Variants in TNRC6A observed in about 807,000 individuals in gnomAD.
TNRC6A encodes trinucleotide repeat containing adaptor 6A.
TNRC6A carries 44 observed loss-of-function variants against 221.2 expected under a neutral mutation model. The observed-to-expected ratio is 0.20, with a 90% CI of 0.16 to 0.26. TNRC6A has a LOEUF of 0.26. Among genes scored for constraint, TNRC6A ranks in the 10% least tolerant of loss-of-function variants. The probability of loss-of-function intolerance (pLI) is 1.00; values close to 1 mark genes in which losing one functional copy is unlikely to be tolerated. For synonymous variants in TNRC6A, 847 were observed against 838.5 expected (o/e 1.01, Z -0.18); for missense variants, 2,199 against 2,404.4 (o/e 0.91, Z 1.79).
At chr16:24,628,750 G>T (rs1320196403) in intron 1 of TNRC6A, among the ~76,000 whole-genome samples, 1 of 152,136 alleles carries the variant, frequency 6.6e-6, no homozygotes, top group Non-Finnish European at 1.5e-5. Flanking sequence ...TCTATTAGTA[G>T]TTCAGTTTTT....
chr16:24,707,787 G>A (rs1008759552), intron 2 of TNRC6A, among the ~76,000 whole-genome samples: 3 of 152,186 alleles, frequency 2.0e-5, no homozygotes, highest in African/African-American at 2.4e-5. Context: ...GGGCCAGTGC[G>A]GTGGCTCACG....
intron 2 of TNRC6A, among the ~76,000 whole-genome samples, chr16:24,646,502 A>G (rs1902297140): frequency 6.6e-6 from 1 of 152,224 alleles, no homozygotes; most frequent in Non-Finnish European, 1.5e-5. Flanking sequence ...AGCAGCACAA[A>G]TATTTTCAGT....
intron 19 of TNRC6A, chr16:24,815,607 G>C: frequency 1.4e-5 from 5 of 349,716 alleles, no homozygotes; most frequent in South Asian, 1.3e-4. Flanking sequence ...AGTAATCCCA[G>C]CACTTTGGGA....
intron 2 of TNRC6A, among the ~76,000 whole-genome samples, chr16:24,692,329 G>A (rs1411966819): frequency 6.6e-6 from 1 of 152,170 alleles, no homozygotes; most frequent in Admixed American, 6.6e-5. Context: ...CCAACATTTT[G>A]GGAGGCTGAG....
At chr16:24,798,813 A>C (rs1471054577) in intron 11 of TNRC6A, among the ~76,000 whole-genome samples, 1 of 152,258 alleles carries the variant, frequency 6.6e-6, no homozygotes, top group East Asian at 1.9e-4. Context: ...GAAACTACGC[A>C]GTAATTTGCT....
At chr16:24,712,906 ACTGT>A (rs2056231272) in intron 2 of TNRC6A, among the ~76,000 whole-genome samples, 2 of 101,766 alleles carry the variant, frequency 2.0e-5, no homozygotes, top group Non-Finnish European at 3.7e-5. Context: ...GTTATGTGCC[ACTGT>A]GTGTGTGTGT....
At chr16:24,648,444 G>A (rs1025281907) in intron 2 of TNRC6A, among the ~76,000 whole-genome samples, 26 of 151,788 alleles carry the variant, frequency 1.7e-4, no homozygotes, top group African/African-American at 6.1e-4. Context: ...CTAATTTTTT[G>A]TATTTTTAGT....
chr16:24,631,909 A>G (rs749695150), intron 1 of TNRC6A, among the ~76,000 whole-genome samples: 2 of 151,752 alleles, frequency 1.3e-5, no homozygotes, highest in Non-Finnish European at 2.9e-5. Context: ...CCCAGGCTGT[A>G]GTGCAGTGAC....
intron 2 of TNRC6A, among the ~76,000 whole-genome samples, chr16:24,718,069 C>T (rs750572877): frequency 4.6e-5 from 7 of 152,274 alleles, no homozygotes; most frequent in Admixed American, 1.3e-4. Context: ...TGTGCCCCCA[C>T]GGCCTGCCTG....
chr16:24,806,825 G>T, intron 17 of TNRC6A, 41 bp downstream of exon 17: 1 of 1,594,134 alleles, frequency 6.3e-7, no homozygotes, highest in East Asian at 2.2e-5. Context: ...TGATGCTTAG[G>T]TATCACAGGC....
Position 24,824,035 on chromosome 16 carries a change from A to G in TNRC6A, c.*228A>G, listed in dbSNP as rs2058823222. On this transcript the variant is annotated 3_prime_UTR_variant, in exon 25 of 25. Transcript: ENST00000395799. ...TTTACACTCCCAAATAGCGCCATAC[A>G]TGCTAAACCGTAGAGAATGAGCTCG... is the stretch of plus-strand genomic sequence containing the variant. The G allele has an allele frequency of 2.8e-6, 1 of 352,730 alleles. No homozygotes were observed. The highest frequency in any genetic ancestry group is 5.0e-6 in the Non-Finnish European group (1 of 198,310). The allele number at this position is 352,730 out of a possible 1,614,324, so 21.9% of individuals were successfully genotyped here. A position where few individuals can be genotyped will look rare whatever the true frequency, so the allele number is the denominator to read the frequency against.
At chr16:24,771,248 C>G (rs111348962) in intron 4 of TNRC6A, among the ~76,000 whole-genome samples, 1 of 152,094 alleles carries the variant, frequency 6.6e-6, no homozygotes, top group Non-Finnish European at 1.5e-5. Context: ...CACACATAAA[C>G]GAAACCTTTT....
chr16:24,814,451 C>G (rs1373357878), intron 18 of TNRC6A, among the ~76,000 whole-genome samples: 2 of 138,648 alleles, frequency 1.4e-5, no homozygotes, highest in Admixed American at 7.0e-5. Flanking sequence ...GCCCTCTTCC[C>G]AGGCTAGAGT....
rs187379727 is a variant in TNRC6A, at chr16:24,610,807, A to C, written n.276+323A>C. ...TTCCCCCTTTCCACCCCCTGCCCTC[A>C]GATTTATTTATTTATTTATTTATGA... On this transcript the variant is annotated intron_variant and non_coding_transcript_variant, in intron 1 of 2. Transcript: ENST00000566108. 8.8e-4 allele frequency among the ~76,000 whole-genome samples: 132 copies of C among 149,160 alleles called. 1 individual carries two copies. The highest frequency in any genetic ancestry group is 3.2e-3 in the African/African-American group (131 of 40,426).
intron 18 of TNRC6A, among the ~76,000 whole-genome samples, chr16:24,812,902 T>G (rs890013353): frequency 1.5e-5 from 2 of 134,616 alleles, no homozygotes; most frequent in Admixed American, 1.6e-4. Flanking sequence ...TTTTTTTTTT[T>G]GAGACCCCAG....
intron 17 of TNRC6A, among the ~76,000 whole-genome samples, chr16:24,807,799 T>C (rs564915223): frequency 1.3e-4 from 20 of 152,212 alleles, no homozygotes; most frequent in Non-Finnish European, 2.5e-4. Context: ...GCTTTTTTTC[T>C]CTCTCTTTTC....
chr16:24,710,288 C>A (rs2056180371), intron 2 of TNRC6A, among the ~76,000 whole-genome samples: 1 of 151,138 alleles, frequency 6.6e-6, no homozygotes. Flanking sequence ...GAAAAAATAA[C>A]TTTTTTCCTC....
At chr16:24,645,474 A>C (rs1902224843) in intron 2 of TNRC6A, among the ~76,000 whole-genome samples, 1 of 151,750 alleles carries the variant, frequency 6.6e-6, no homozygotes, top group Admixed American at 6.6e-5. Context: ...TGGGCAACAG[A>C]GTGAGACCCT....
intron 3 of TNRC6A, among the ~76,000 whole-genome samples, chr16:24,752,573 A>T (rs2057162139): frequency 6.6e-6 from 1 of 152,148 alleles, no homozygotes; most frequent in Non-Finnish European, 1.5e-5. Context: ...CTGTTTATGT[A>T]GGACAGTCTT....
Sources: allele counts gnomAD v4.1 joint callset (sites outside exome capture counted in the v4.1 genomes callset), GRCh38; gene constraint gnomAD v4.1.1; transcripts MANE v1.5; gene names NCBI Gene and HGNC (gene_info 2026-07-23, HGNC 2026-07-21).